Variants in GPR137B observed in about 807,000 individuals in gnomAD.
GPR137B encodes integral membrane protein GPR137B.
GPR137B carries 42 observed loss-of-function variants against 42.5 expected under a neutral mutation model. The observed-to-expected ratio is 0.99, with a 90% CI of 0.77 to 1.28. The LOEUF (loss-of-function observed/expected upper bound fraction) is 1.28, where lower values mean the gene tolerates loss of function less well. Ranked by LOEUF, GPR137B falls within the 50% of genes most tolerant of loss-of-function variation. GPR137B has a pLI of 0.00. For missense variants in GPR137B, 487 were observed against 493.9 expected (o/e 0.99, Z 0.13); for synonymous variants, 218 against 209.7 (o/e 1.04, Z -0.34).
At chr1:236,178,792 T>TTTG (rs1558488579) in intron 3 of GPR137B, among the ~76,000 whole-genome samples, 156 bp downstream of exon 3, 2 of 71,078 alleles carry the variant, frequency 2.8e-5, no homozygotes, top group Non-Finnish European at 5.9e-5. Flanking sequence ...GAGGTTTTTT[T>TTTG]TTTTTTTTTT....
chr1:236,161,469 C>T (rs1278502402), intron 1 of GPR137B, among the ~76,000 whole-genome samples: 1 of 114,690 alleles, frequency 8.7e-6, no homozygotes, highest in African/African-American at 4.4e-5. Flanking sequence ...CATCTCCTCA[C>T]ACCTCCACAC....
In GPR137B at chr1:236,142,680, C is replaced by G. The variant is rs776141730; in HGVS notation, c.58C>G (p.Pro20Ala). Residue 20 changes from proline (P) to alanine (A), a missense_variant, in exon 1 of 7, where the codon CCG (proline) becomes GCG (alanine). Transcript: ENST00000366592. ...GSAPGPMETP[P>A]WDPARNDSLP... Reference sequence around the variant, plus strand: ...CGCCCCCGGCCCGATGGAGACCCCGCCGTGGGACCCAGCCCGCAACGACTC... The same window carrying G: ...CGCCCCCGGCCCGATGGAGACCCCGGCGTGGGACCCAGCCCGCAACGACTC... The G allele has an allele frequency of 3.8e-6, 6 of 1,562,432 alleles. No individual in the cohort carries two copies. Among genetic ancestry groups the G allele is most frequent in the Non-Finnish European group, 4.3e-6 (5 of 1,159,742 alleles).
intron 1 of GPR137B, among the ~76,000 whole-genome samples, chr1:236,168,254 C>T (rs1662422981): frequency 1.3e-5 from 2 of 151,866 alleles, no homozygotes; most frequent in Admixed American, 1.3e-4. Flanking sequence ...TGGTGAAACC[C>T]CATCTCTACT....
chr1:236,197,419 T>C (rs1663371118), intron 5 of GPR137B, among the ~76,000 whole-genome samples: 1 of 152,248 alleles, frequency 6.6e-6, no homozygotes, highest in Non-Finnish European at 1.5e-5. Flanking sequence ...TCTTAGTTTT[T>C]GTTTTATTTG....
At chr1:236,188,144 A>C (rs887609990) in intron 5 of GPR137B, among the ~76,000 whole-genome samples, 1 of 152,056 alleles carries the variant, frequency 6.6e-6, no homozygotes, top group Non-Finnish European at 1.5e-5. Context: ...GGTGTATAGG[A>C]ATGCTTGTGA....
chr1:236,204,479 C>G (rs1026376758), intron 5 of GPR137B, among the ~76,000 whole-genome samples: 3 of 152,092 alleles, frequency 2.0e-5, no homozygotes, highest in Non-Finnish European at 2.9e-5. Context: ...GACATTAGTT[C>G]TTCTTTAAAT....
rs528040261 is a variant in GPR137B at position 236,151,636 on chromosome 1, A to C, written c.414+8600A>C. 7.2e-5 allele frequency among the ~76,000 whole-genome samples: 11 copies of C among 152,026 alleles called. No homozygotes were observed. The East Asian group carries it at 1.9e-3, about 27-fold the overall frequency. On this transcript the variant is annotated intron_variant, in intron 1 of 6. Transcript: ENST00000366592. Reference sequence around the variant, plus strand: ...ACGGGGTTTCACAATGTTGGCCAGGATGATCTCGATCTCTTGACCTCATGA... The same window carrying C: ...ACGGGGTTTCACAATGTTGGCCAGGCTGATCTCGATCTCTTGACCTCATGA...
Position 236,150,793 on chromosome 1 carries a change from CA to C in GPR137B, c.414+7758del, listed in dbSNP as rs1661836072. Among the ~76,000 whole-genome samples, 1 of 152,192 alleles carries C rather than the reference CA, an allele frequency of 6.6e-6. No homozygotes were observed. Among genetic ancestry groups the C allele is most frequent in the African/African-American group, 2.4e-5 (1 of 41,464 alleles). On this transcript the variant is annotated intron_variant, in intron 1 of 6. Coordinates refer to ENST00000366592, the MANE Select transcript of GPR137B (RefSeq NM_003272.4). This position sits in a 1 kb window ranked among gnomAD's most constrained non-coding sequence, Gnocchi z 6.2. ...GAACTGGTAGTGACCAGCAGGGAGG[CA>C]GGGCCGGAGCACTGTCCTGAGGCTA...
chr1:236,180,193 AAATT>A (rs1391106716), intron 4 of GPR137B, 165 bp downstream of exon 4: 1 of 589,572 alleles, frequency 1.7e-6, no homozygotes, highest in Non-Finnish European at 3.1e-6. Flanking sequence ...TGTATACTTT[AAATT>A]AATCTCTAGA....
chr1:236,154,357 G>A (rs1014510566), intron 1 of GPR137B, among the ~76,000 whole-genome samples: 1 of 152,104 alleles, frequency 6.6e-6, no homozygotes, highest in Non-Finnish European at 1.5e-5. Context: ...GGCCTGTCAC[G>A]GCTTTGACAG....
chr1:236,164,784 C>T lies in GPR137B; in HGVS notation c.415-3922C>T, dbSNP rs138755873. 8.7e-3 allele frequency among the ~76,000 whole-genome samples: 1,322 copies of T among 151,846 alleles called. 15 individuals carry two copies. Among genetic ancestry groups the T allele is most frequent in the African/African-American group, 0.03 (1,224 of 41,412 alleles). On this transcript the variant is annotated intron_variant, in intron 1 of 6. Coordinates refer to ENST00000366592, the MANE Select transcript of GPR137B (RefSeq NM_003272.4). The stretch of plus-strand genomic sequence containing the variant: ...TATATATAATTTCAGTTTCACATGC[C>T]AGGAATTCAAACACAACTTTAAAGA...
chr1:236,197,330 A>G (rs1187388547), intron 5 of GPR137B, among the ~76,000 whole-genome samples: 1 of 152,078 alleles, frequency 6.6e-6, no homozygotes, highest in Admixed American at 6.6e-5. Context: ...CTCCTACTCT[A>G]TGACTTGTCT....
At position 236,150,083 on chromosome 1, in the gene GPR137B, CTG is replaced by C. The variant is rs1661806340; in HGVS notation, c.414+7050_414+7051del. 7.3e-6 allele frequency among the ~76,000 whole-genome samples: 1 copy of C among 136,694 alleles called. No individual in the cohort carries two copies. Among genetic ancestry groups the C allele is most frequent in the African/African-American group, 2.8e-5 (1 of 36,010 alleles). 89.7% of individuals were successfully genotyped at this position (136,694 alleles called of 152,430 possible). ...TGTGTCTGTGTGGGTCTCTGAGTGTCTGTGCATGTGTGTGTCTGTGCCTGTGT... is the reference window on the plus strand; with the variant it reads ...TGTGTCTGTGTGGGTCTCTGAGTGTCTGCATGTGTGTGTCTGTGCCTGTGT... On this transcript the variant is annotated intron_variant, in intron 1 of 6. Transcript: ENST00000366592. The surrounding 1 kb of genome is among the most constrained non-coding windows in gnomAD (Gnocchi z 6.2).
At chr1:236,200,473 G>A (rs549454866) in intron 5 of GPR137B, among the ~76,000 whole-genome samples, 1 of 151,900 alleles carries the variant, frequency 6.6e-6, no homozygotes, top group Admixed American at 6.6e-5. Flanking sequence ...CTATGGTGTT[G>A]CTATCTCATT....
In GPR137B at chr1:236,171,382, C is replaced by G. The variant is rs1227215561; in HGVS notation, c.464+2627C>G. 6.6e-6 allele frequency among the ~76,000 whole-genome samples: 1 copy of G among 152,154 alleles called. No individual in the cohort carries two copies. Among genetic ancestry groups the G allele is most frequent in the African/African-American group, 2.4e-5 (1 of 41,428 alleles). ...AGTCTTTGCCCTGCATCCCCCCAGC[C>G]AGAAATGTAGGTCAAAGCATGAGTG... On this transcript the variant is annotated intron_variant, in intron 2 of 6. Transcript: ENST00000366592. This position sits in a 1 kb window ranked among gnomAD's most constrained non-coding sequence, Gnocchi z 4.4.
chr1:236,183,432 G>A (rs1157061810), intron 4 of GPR137B, among the ~76,000 whole-genome samples: 1 of 152,106 alleles, frequency 6.6e-6, no homozygotes, highest in Admixed American at 6.5e-5. Context: ...TAAGAGTTTT[G>A]GGGGCATGAA....
At chr1:236,186,568 ATGAG>A (rs1404955299) in intron 5 of GPR137B, among the ~76,000 whole-genome samples, 1 of 140,598 alleles carries the variant, frequency 7.1e-6, no homozygotes, top group African/African-American at 2.6e-5. Context: ...ATTCCCACTT[ATGAG>A]TGAGAACATG....
Position 236,155,562 on chromosome 1 carries a change from G to A in GPR137B, c.414+12526G>A, listed in dbSNP as rs1376728912. 1.3e-5 allele frequency among the ~76,000 whole-genome samples: 2 copies of A among 152,090 alleles called. No individual in the cohort carries two copies. Among genetic ancestry groups the A allele is most frequent in the Non-Finnish European group, 2.9e-5 (2 of 68,010 alleles). ...GCTCTCTAGAGTCCCGTCTCCTCGCGGGCTGCCTGCTGGGCTGACTTATCA... is the reference window on the plus strand; with the variant it reads ...GCTCTCTAGAGTCCCGTCTCCTCGCAGGCTGCCTGCTGGGCTGACTTATCA... On this transcript the variant is annotated intron_variant, in intron 1 of 6. Coordinates refer to ENST00000366592, the MANE Select transcript of GPR137B (RefSeq NM_003272.4). The surrounding 1 kb of genome is among the most constrained non-coding windows in gnomAD (Gnocchi z 4.6).
intron 2 of GPR137B, among the ~76,000 whole-genome samples, chr1:236,175,488 G>T (rs1019756526): frequency 2.6e-5 from 4 of 152,214 alleles, no homozygotes; most frequent in Non-Finnish European, 5.9e-5. Flanking sequence ...CTGCTGCATG[G>T]AGTGTGTGTA....
Sources: allele counts gnomAD v4.1 joint callset (sites outside exome capture counted in the v4.1 genomes callset), GRCh38; gene constraint gnomAD v4.1.1; non-coding constraint Gnocchi (gnomAD v3.1); transcripts MANE v1.5; gene names NCBI Gene and HGNC (gene_info 2026-07-23, HGNC 2026-07-21).